Variants in DHCR24 observed in about 807,000 individuals in gnomAD.
DHCR24 encodes the protein 24-dehydrocholesterol reductase, also known as delta(24)-sterol reductase.
Under a neutral mutation model 61.2 loss-of-function variants are expected in DHCR24, and 28 were observed. That is an observed-to-expected ratio of 0.46 (90% CI 0.34 to 0.63). The LOEUF is 0.63. Among genes scored for constraint, DHCR24 ranks in the 20% least tolerant of loss-of-function variants. The pLI is 0.01. For synonymous variants in DHCR24, 261 were observed against 275.9 expected (o/e 0.95, Z 0.54); for missense variants, 538 against 679.1 (o/e 0.79, Z 2.31).
chr1:54,870,842 AGC>A (rs1175739595), intron 5 of DHCR24, among the ~76,000 whole-genome samples: 6 of 43,664 alleles, frequency 1.4e-4, no homozygotes, highest in Non-Finnish European at 4.7e-4. Flanking sequence ...TCTTACAATA[AGC>A]ACAAATCCTT....
At chr1:54,879,322 G>GAAAAAAAAAAAAAAAAAA (rs58945175) in intron 2 of DHCR24, among the ~76,000 whole-genome samples, 2 of 108,536 alleles carry the variant, frequency 1.8e-5, no homozygotes, top group African/African-American at 3.9e-5. Context: ...GACTCCATCT[G>GAAAAAAAAAAAAAAAAAA]AAAAAAAAAA....
At position 54,853,462 on chromosome 1, in the gene DHCR24, G is replaced by C; in HGVS notation, c.1369C>G (p.Leu457Val). Reference protein sequence around the residue: ...HFEARSCMRQLEKFVRSVHGF... With the variant: ...HFEARSCMRQVEKFVRSVHGF... ...TGCACGCTGCGGACAAACTTCTCCA[G>C]CTGCCTCATGCAGGACCTGGCTTCA... The change falls in exon 8 of 9, where the codon CTG (leucine) becomes GTG (valine). Residue 457 changes from leucine to valine, a missense_variant. By Grantham distance (32) the Leu-to-Val change is conservative. Transcript: ENST00000371269. The C allele has an allele frequency of 6.2e-7, 1 of 1,614,220 alleles. No individual in the cohort carries two copies. Among genetic ancestry groups the C allele is most frequent in the Non-Finnish European group, 8.5e-7 (1 of 1,180,030 alleles).
intron 4 of DHCR24, among the ~76,000 whole-genome samples, chr1:54,873,058 A>AT (rs1647008212): frequency 6.6e-6 from 1 of 152,248 alleles, no homozygotes; most frequent in Non-Finnish European, 1.5e-5. Flanking sequence ...AACGCTTTAA[A>AT]TGTTTGAATC....
At chr1:54,880,994 C>CA (rs1175767995) in intron 2 of DHCR24, among the ~76,000 whole-genome samples, 2 of 151,894 alleles carry the variant, frequency 1.3e-5, no homozygotes, top group Non-Finnish European at 2.9e-5. Context: ...ACTAAAAATA[C>CA]AAAAAATTAG....
In DHCR24 at chr1:54,871,499, C is replaced by G; in HGVS notation, c.727G>C (p.Glu243Gln). ...PAKKYVKLRF[E>Q]PVRGLEAICA... ...ATAGCCTCCAGGCCCCGCACTGGCT[C>G]GAAACGCAGCTTGACGTACTTCTTG... Residue 243 changes from glutamate (E) to glutamine (Q), a missense_variant, in exon 5 of 9, where the codon GAG (glutamate) becomes CAG (glutamine). Transcript: ENST00000371269. 1 of 1,614,196 alleles carries G rather than the reference C, an allele frequency of 6.2e-7. No individual in the cohort carries two copies. Among genetic ancestry groups the G allele is most frequent in the Non-Finnish European group, 8.5e-7 (1 of 1,180,028 alleles).
chr1:54,860,921 G>A (rs976413916), intron 6 of DHCR24, among the ~76,000 whole-genome samples: 2 of 151,774 alleles, frequency 1.3e-5, no homozygotes, highest in Admixed American at 6.6e-5. Context: ...CCGGGAGGCG[G>A]CACTTGCAGT....
In DHCR24 at chr1:54,864,959, A is replaced by G. The variant is rs543545849; in HGVS notation, c.1020+344T>C. The stretch of plus-strand genomic sequence containing the variant: ...TAGGCAGAACTAGCCACTTCCTACT[A>G]ATGTTCCTGCGGCCCTTTACAGTGC... On this transcript the variant is annotated intron_variant, in intron 6 of 8. Coordinates refer to ENST00000371269, the MANE Select transcript of DHCR24 (RefSeq NM_014762.4). Among the ~76,000 whole-genome samples, 5 of 152,244 alleles carry G rather than the reference A, an allele frequency of 3.3e-5. No individual in the cohort carries two copies. In the East Asian group the frequency reaches 9.7e-4, roughly 29 times the overall value.
rs374716111 is a variant in DHCR24, at chr1:54,876,543, G to A, written c.388-496C>T. ...GTGGCGGGCACCTGTAGTCCCAGCT[G>A]CTTGGGAGGCTGAGGCAGGAGAATC... On this transcript the variant is annotated intron_variant, in intron 2 of 8. Transcript: ENST00000371269. Among the ~76,000 whole-genome samples, 587 of 151,038 alleles carry A rather than the reference G, an allele frequency of 3.9e-3. 13 individuals carry two copies. In the East Asian group the frequency reaches 0.064, roughly 16 times the overall value.
At chr1:54,875,598 T>TGAA (rs1051010269) in intron 3 of DHCR24, among the ~76,000 whole-genome samples, 7 of 152,054 alleles carry the variant, frequency 4.6e-5, no homozygotes, top group African/African-American at 1.5e-4. Context: ...GTGTTTTCCC[T>TGAA]GAAGAAGAAG....
At position 54,856,442 on chromosome 1, in the gene DHCR24, C is replaced by T. The variant is rs1282424465; in HGVS notation, c.1021-2208G>A. ...CAAAACCCTGTCTCTACTAAAAACA[C>T]CAAAAAAAATTAGCCGGGCGTGGTG... On this transcript the variant is annotated intron_variant, in intron 6 of 8. Coordinates refer to ENST00000371269, the MANE Select transcript of DHCR24 (RefSeq NM_014762.4). 2.6e-5 allele frequency among the ~76,000 whole-genome samples: 4 copies of T among 152,018 alleles called. No homozygotes were observed. In the South Asian group the frequency reaches 6.2e-4, roughly 24 times the overall value.
At chr1:54,878,097 A>G (rs983674864) in intron 2 of DHCR24, among the ~76,000 whole-genome samples, 3 of 152,036 alleles carry the variant, frequency 2.0e-5, no homozygotes, top group Admixed American at 6.6e-5. Flanking sequence ...TTGCACAGAG[A>G]AAAAACTGAA....
At chr1:54,863,032 G>A (rs1053148363) in intron 6 of DHCR24, among the ~76,000 whole-genome samples, 11 of 143,540 alleles carry the variant, frequency 7.7e-5, no homozygotes, top group Non-Finnish European at 1.5e-4. Flanking sequence ...GCGAAATTGC[G>A]CCACTGCACT....
chr1:54,887,122 T>G lies in DHCR24; in HGVS notation c.-3A>C, dbSNP rs1647104288. The G allele has an allele frequency of 2.5e-6, 4 of 1,569,770 alleles. No individual in the cohort carries two copies. The highest frequency in any genetic ancestry group is 3.5e-6 in the Non-Finnish European group (4 of 1,158,494). On this transcript the variant is annotated 5_prime_UTR_variant, in exon 1 of 9. Coordinates refer to ENST00000371269, the MANE Select transcript of DHCR24 (RefSeq NM_014762.4). ...GCCAGCGACACGGCGGGCTCCATGG[T>G]GCGGCGCCGCGCGGTAAGCGCTGCG...
chr1:54,876,073 G>A, intron 2 of DHCR24, 26 bp from the exon 3 acceptor site: 2 of 1,595,558 alleles, frequency 1.3e-6, no homozygotes, highest in Non-Finnish European at 8.6e-7. Flanking sequence ...AAGAGACCCT[G>A]GGTCAAAAGG....
rs1646890514 is a variant in DHCR24 at position 54,853,620 on chromosome 1, G to A, written c.1219-8C>T. The A allele has an allele frequency of 1.2e-6, 2 of 1,612,096 alleles. No individual in the cohort carries two copies. Among genetic ancestry groups the A allele is most frequent in the South Asian group, 1.1e-5 (1 of 90,568 alleles). On this transcript the variant is annotated splice_region_variant and splice_polypyrimidine_tract_variant and intron_variant, in intron 7 of 8. Transcript: ENST00000371269. ...CAGCCAGATGGGGTAGACCTGGGTA[G>A]ACCAGGGAGGTGGGTATTGGTGCTT...
At chr1:54,864,400 A>C (rs1646956280) in intron 6 of DHCR24, among the ~76,000 whole-genome samples, 3 of 152,104 alleles carry the variant, frequency 2.0e-5, no homozygotes, top group Admixed American at 2.0e-4. Context: ...ATACATGAAA[A>C]CATTATGCTA....
At chr1:54,880,578 A>G (rs993385320) in intron 2 of DHCR24, among the ~76,000 whole-genome samples, 1 of 151,976 alleles carries the variant, frequency 6.6e-6, no homozygotes. Context: ...CAGCCTGACC[A>G]ATGTGGTGAA....
chr1:54,853,324 A>G (rs1280135578), intron 8 of DHCR24, 110 bp downstream of exon 8: 3 of 1,405,692 alleles, frequency 2.1e-6, no homozygotes, highest in Non-Finnish European at 3.0e-6. Flanking sequence ...CTAAGGAACC[A>G]GTTGATAGGC....
chr1:54,852,191 C>T lies in DHCR24; in HGVS notation c.*42G>A, dbSNP rs200380515. The T allele has an allele frequency of 4.6e-5, 75 of 1,613,344 alleles. 1 individual carries two copies. In the East Asian group the frequency reaches 1.5e-3, roughly 32 times the overall value. On this transcript the variant is annotated 3_prime_UTR_variant, in exon 9 of 9. Transcript: ENST00000371269. ...CCAAGCTTGAGTGAAGGGAAGATGCCTGACCACTCACACGTGTCTGTCTCT... is the reference window on the plus strand; with the variant it reads ...CCAAGCTTGAGTGAAGGGAAGATGCTTGACCACTCACACGTGTCTGTCTCT...
Sources: allele counts gnomAD v4.1 joint callset (sites outside exome capture counted in the v4.1 genomes callset), GRCh38; gene constraint gnomAD v4.1.1; transcripts MANE v1.5; gene names NCBI Gene and HGNC (gene_info 2026-07-23, HGNC 2026-07-21).